Variants in NXPH2 observed in about 807,000 individuals in gnomAD.
The protein encoded by NXPH2 is neurexophilin-2.
Under a neutral mutation model 19.8 loss-of-function variants are expected in NXPH2, and 5 were observed. The ratio of observed to expected loss-of-function variants is 0.25; its 90% CI spans 0.13 to 0.53. The LOEUF (loss-of-function observed/expected upper bound fraction) is 0.53. Among genes scored for constraint, NXPH2 ranks in the 20% least tolerant of loss-of-function variants. The pLI is 0.96. For missense variants in NXPH2, 289 were observed against 322.8 expected (o/e 0.90, Z 0.80); for synonymous variants, 154 against 127.4 (o/e 1.21, Z -1.41).
intron 1 of NXPH2, among the ~76,000 whole-genome samples, chr2:138,682,892 C>T (rs1454092074): frequency 1.3e-5 from 2 of 152,208 alleles, no homozygotes; most frequent in East Asian, 3.8e-4. Flanking sequence ...CATGCCTACA[C>T]ACTCTAGACA....
intron 1 of NXPH2, among the ~76,000 whole-genome samples, chr2:138,764,660 T>G (rs971201834): frequency 1.3e-5 from 2 of 152,198 alleles, no homozygotes; most frequent in Non-Finnish European, 2.9e-5. Flanking sequence ...TATCTATCTA[T>G]CTATGATGGT....
rs557649316 is a variant in NXPH2 at position 138,681,990 on chromosome 2, T to C, written c.52-10325A>G. ...AGGTGGCTTACAGATCCCTTTACAG[T>C]TGAAGAATTATAGAACCAATAATAA... is the stretch of plus-strand genomic sequence containing the variant. On this transcript the variant is annotated intron_variant, in intron 1 of 1. Coordinates refer to ENST00000272641, the MANE Select transcript of NXPH2 (RefSeq NM_007226.3). Among the ~76,000 whole-genome samples, 76 of 152,266 alleles carry C rather than the reference T, an allele frequency of 5.0e-4. 2 individuals are homozygous for C. The South Asian group carries it at 0.014, about 27-fold the overall frequency.
At position 138,670,533 on chromosome 2, in the gene NXPH2, C is replaced by T. The variant is rs996799049; in HGVS notation, c.*389G>A. ...TCCTTTACCGCATCTGCTGTTTCTGCGGTAACCTTCCAAAACATATTTCAA... is the reference window on the plus strand; with the variant it reads ...TCCTTTACCGCATCTGCTGTTTCTGTGGTAACCTTCCAAAACATATTTCAA... On this transcript the variant is annotated 3_prime_UTR_variant, in exon 2 of 2. Coordinates refer to ENST00000272641, the MANE Select transcript of NXPH2 (RefSeq NM_007226.3). Among the ~76,000 whole-genome samples the T allele has an allele frequency of 3.9e-5, 6 of 152,172 alleles. No individual in the cohort carries two copies. The highest frequency in any genetic ancestry group is 1.4e-4 in the African/African-American group (6 of 41,444).
At chr2:138,714,646 A>G (rs545477756) in intron 1 of NXPH2, among the ~76,000 whole-genome samples, 1 of 152,272 alleles carries the variant, frequency 6.6e-6, no homozygotes, top group East Asian at 1.9e-4. Flanking sequence ...AAATCCAAGA[A>G]AAAAGGTACT....
chr2:138,736,372 T>TGC (rs1681538503), intron 1 of NXPH2, among the ~76,000 whole-genome samples: 1 of 152,210 alleles, frequency 6.6e-6, no homozygotes, highest in Non-Finnish European at 1.5e-5. Context: ...CACTTGTAGG[T>TGC]TCAACACTAT....
intron 1 of NXPH2, among the ~76,000 whole-genome samples, chr2:138,687,297 T>C (rs1408716204): frequency 1.3e-5 from 2 of 152,250 alleles, no homozygotes; most frequent in African/African-American, 4.8e-5. Context: ...ATTTCTCTGA[T>C]GGCCAGTGAT....
At chr2:138,763,044 AT>A (rs1386951110) in intron 1 of NXPH2, among the ~76,000 whole-genome samples, 27 of 152,248 alleles carry the variant, frequency 1.8e-4, no homozygotes, top group Non-Finnish European at 3.5e-4. Context: ...AAAACTTTAA[AT>A]CATGAAATAA....
chr2:138,692,242 AC>A (rs1375227524), intron 1 of NXPH2, among the ~76,000 whole-genome samples: 32 of 152,206 alleles, frequency 2.1e-4, no homozygotes, highest in African/African-American at 6.7e-4. Flanking sequence ...AAAAATCCAG[AC>A]CCAATCCCTG....
chr2:138,678,915 T>C (rs916228647), intron 1 of NXPH2, among the ~76,000 whole-genome samples: 1 of 152,158 alleles, frequency 6.6e-6, no homozygotes, highest in Non-Finnish European at 1.5e-5. Flanking sequence ...GGAAGGGAGC[T>C]AATGAAAGAA....
At chr2:138,743,851 A>C (rs1336340127) in intron 1 of NXPH2, among the ~76,000 whole-genome samples, 2 of 151,886 alleles carry the variant, frequency 1.3e-5, no homozygotes, top group African/African-American at 4.8e-5. Context: ...AAAAGTACAA[A>C]AATTAGTCAG....
At chr2:138,706,554 G>C (rs555466999) in intron 1 of NXPH2, among the ~76,000 whole-genome samples, 12 of 152,182 alleles carry the variant, frequency 7.9e-5, no homozygotes, top group African/African-American at 2.9e-4. Flanking sequence ...TTTTAATTAC[G>C]TAACTTAATA....
intron 1 of NXPH2, among the ~76,000 whole-genome samples, chr2:138,745,106 T>C (rs950407091): frequency 2.0e-5 from 3 of 152,312 alleles, no homozygotes; most frequent in Admixed American, 6.5e-5. Context: ...CTTCTCAAGC[T>C]GCCCTTCTTG....
intron 1 of NXPH2, among the ~76,000 whole-genome samples, chr2:138,705,318 AT>A (rs1680992579): frequency 6.6e-6 from 1 of 152,128 alleles, no homozygotes; most frequent in African/African-American, 2.4e-5. Flanking sequence ...TTGATTTGAT[AT>A]ATGGAATTCT....
intron 1 of NXPH2, among the ~76,000 whole-genome samples, chr2:138,734,115 G>T (rs934265683): frequency 3.3e-5 from 5 of 152,062 alleles, no homozygotes; most frequent in Non-Finnish European, 7.4e-5. Flanking sequence ...CATCATGTTG[G>T]GTGCCTGTAA....
At chr2:138,721,993 AG>A (rs1681285414) in intron 1 of NXPH2, among the ~76,000 whole-genome samples, 1 of 152,240 alleles carries the variant, frequency 6.6e-6, no homozygotes, top group African/African-American at 2.4e-5. Context: ...GAAAGAGCAC[AG>A]GCTACAGACA....
At chr2:138,734,491 A>G (rs1249208589) in intron 1 of NXPH2, among the ~76,000 whole-genome samples, 1 of 152,222 alleles carries the variant, frequency 6.6e-6, no homozygotes, top group Non-Finnish European at 1.5e-5. Context: ...AGAAAGGAAG[A>G]AATGGTCAAG....
intron 1 of NXPH2, among the ~76,000 whole-genome samples, chr2:138,676,608 C>T (rs1223626162): frequency 1.3e-5 from 2 of 152,178 alleles, no homozygotes; most frequent in Admixed American, 6.5e-5. Context: ...TCAGTTTTCT[C>T]ACCTACATCT....
At chr2:138,734,938 G>C (rs1681515957) in intron 1 of NXPH2, among the ~76,000 whole-genome samples, 1 of 152,124 alleles carries the variant, frequency 6.6e-6, no homozygotes, top group Non-Finnish European at 1.5e-5. Flanking sequence ...ACTGGTCAAG[G>C]GCCAGGGATG....
intron 1 of NXPH2, among the ~76,000 whole-genome samples, chr2:138,761,414 T>A (rs1682015473): frequency 6.6e-6 from 1 of 152,214 alleles, no homozygotes; most frequent in African/African-American, 2.4e-5. Flanking sequence ...ATACTCCTAG[T>A]CACATTTATG....
Sources: gnomAD v4.1 joint callset for allele counts (sites outside exome capture counted in the v4.1 genomes callset) on GRCh38, gnomAD v4.1.1 for gene constraint, MANE v1.5 for transcripts, NCBI Gene and HGNC (gene_info 2026-07-23, HGNC 2026-07-21) for gene names.